The following G2E3 variants were observed in gnomAD, a reference collection of about 807,000 sequenced individuals.
G2E3 encodes G2/M-phase specific E3 ubiquitin protein ligase, also known as G2/M phase-specific E3 ubiquitin-protein ligase.
Under a neutral mutation model 92.8 loss-of-function variants are expected in G2E3, and 35 were observed. The ratio of observed to expected loss-of-function variants is 0.38; its 90% confidence interval spans 0.29 to 0.50. The LOEUF is 0.50. Among genes scored for constraint, G2E3 ranks in the 20% least tolerant of loss-of-function variants. The pLI, the probability that G2E3 is intolerant of heterozygous loss-of-function variation, is 0.94. For synonymous variants in G2E3, 242 were observed against 272.4 expected, an observed-to-expected ratio of 0.89 and a Z score of 1.10; for missense variants, 554 against 823.8, an observed-to-expected ratio of 0.67 and a Z score of 4.01.
At chr14:30,612,063 T>C (rs1022058342) in intron 12 of G2E3, 144 bp from the exon 13 acceptor site, 2 of 602,070 alleles carry the variant, frequency 3.3e-6, no homozygotes, top group South Asian at 4.7e-5. Context: ...CAGACATTTA[T>C]TCTAGAAGAA....
In G2E3 at chr14:30,593,341, A is replaced by C. The variant is rs1446010300; in HGVS notation, c.363-133A>C. ...ATTGTGAGACTTAATTTTTAGTGCC[A>C]AGGCTCCAGTCTGTTGTAGGTGAAT... is the stretch of plus-strand genomic sequence containing the variant. On this transcript the variant is annotated intron_variant, in intron 5 of 14. Transcript: ENST00000206595. The C allele has an allele frequency of 5.5e-6, 3 of 545,102 alleles. No individual in the cohort carries two copies. The East Asian group carries it at 9.5e-5, about 17-fold the overall frequency. The allele number at this position is 545,102 out of a possible 1,614,324, so 33.8% of individuals were successfully genotyped here.
At position 30,616,955 on chromosome 14, in the gene G2E3, T is replaced by C. The variant is rs1594518502; in HGVS notation, c.*421T>C. 1 of 153,640 alleles carries C rather than the reference T, an allele frequency of 6.5e-6. No homozygotes were observed. The highest frequency in any genetic ancestry group is 2.4e-5 in the African/African-American group (1 of 41,468). The allele number at this position is 153,640 out of a possible 1,614,324, so 9.5% of individuals were successfully genotyped here. The stretch of plus-strand genomic sequence containing the variant: ...TTATTCCTCATTTTATTTTAAAGCA[T>C]TAAATAGAAAAGCTAATTGGTTAAA... On this transcript the variant is annotated 3_prime_UTR_variant, in exon 15 of 15. Transcript: ENST00000206595.
At chr14:30,582,065 C>G (rs1169905054) in intron 2 of G2E3, among the ~76,000 whole-genome samples, 2 of 152,232 alleles carry the variant, frequency 1.3e-5, no homozygotes, top group Non-Finnish European at 2.9e-5. Flanking sequence ...TTCCCTGCTT[C>G]TACCTCCAGC....
In G2E3 at chr14:30,617,564, A is replaced by G. The variant is rs1882370844; in HGVS notation, c.*1030A>G. The G allele has an allele frequency of 1.3e-5, 2 of 152,124 alleles. No homozygotes were observed. Among genetic ancestry groups the G allele is most frequent in the South Asian group, 2.1e-4 (1 of 4,824 alleles). 9.4% of individuals were successfully genotyped at this position (152,124 alleles called of 1,614,324 possible). A position where few individuals can be genotyped will look rare whatever the true frequency, so the allele number is the denominator to read the frequency against. On this transcript the variant is annotated 3_prime_UTR_variant, in exon 15 of 15. Transcript: ENST00000206595. ...TGCTAAGGTAAGTTGACGCCATAGC[A>G]TTATACAGTTATCTTCATTGCTCTT...
rs111233474 is a variant in G2E3, at chr14:30,612,224, T to C, written c.1518T>C (p.Thr506=). The change falls in exon 13 of 15, where the codon ACT becomes ACC. Residue 506 remains threonine, a synonymous_variant. Coordinates refer to ENST00000206595, the MANE Select transcript of G2E3 (RefSeq NM_017769.5). The stretch of plus-strand genomic sequence containing the variant: ...CATTACAGATAAATACTGCAACAAC[T>C]GTAGCTGACTTAAAGTCAATAATAA... The part of the protein sequence containing the change: ...QIIIRINTAT[T]VADLKSIINE... The C allele has an allele frequency of 6.2e-7, 1 of 1,610,974 alleles. No individual in the cohort carries two copies.
chr14:30,589,770 A>G (rs556440419), intron 4 of G2E3, among the ~76,000 whole-genome samples: 26 of 151,992 alleles, frequency 1.7e-4, no homozygotes, highest in South Asian at 1.3e-3. Context: ...CTGATGGTCA[A>G]TCTTCTCTGA....
chr14:30,567,778 C>T lies in G2E3; in HGVS notation c.-5+8506C>T, dbSNP rs149249211. ...TTTGTCTCTAAGTATTTTCTAATTT[C>T]CCTTGTGATTTCTTTTTTGACTTTT... On this transcript the variant is annotated intron_variant, in intron 1 of 14. Transcript: ENST00000206595. 3.7e-3 allele frequency among the ~76,000 whole-genome samples: 555 copies of T among 151,794 alleles called. 7 individuals carry two copies. Among genetic ancestry groups the T allele is most frequent in the African/African-American group, 0.013 (525 of 41,420 alleles).
In G2E3 at chr14:30,616,783, TATAA is replaced by T. The variant is rs1882334942; in HGVS notation, c.*253_*256del. The T allele has an allele frequency of 3.5e-6, 1 of 284,810 alleles. No homozygotes were observed. Among genetic ancestry groups the T allele is most frequent in the Non-Finnish European group, 6.4e-6 (1 of 155,166 alleles). The allele number at this position is 284,810 out of a possible 1,614,324, so 17.6% of individuals were successfully genotyped here. A position where few individuals can be genotyped will look rare whatever the true frequency, so the allele number is the denominator to read the frequency against. ...GATATAGATACTTCATAAACCTCAA[TATAA>T]ATACTCTCAAAATGGTTGTATGGAT... On this transcript the variant is annotated 3_prime_UTR_variant, in exon 15 of 15. Transcript: ENST00000206595.
At chr14:30,587,621 T>A (rs1029539681) in intron 3 of G2E3, among the ~76,000 whole-genome samples, 1 of 152,212 alleles carries the variant, frequency 6.6e-6, no homozygotes, top group African/African-American at 2.4e-5. Context: ...AAGACTTTAC[T>A]AGGTTGCAGG....
intron 2 of G2E3, among the ~76,000 whole-genome samples, chr14:30,585,204 C>T (rs191001609): frequency 5.3e-5 from 8 of 152,166 alleles, no homozygotes. Context: ...TCTTTTGTTA[C>T]CTGTGCTTTT....
chr14:30,604,072 A>G (rs1270477856), intron 10 of G2E3, among the ~76,000 whole-genome samples: 2 of 152,212 alleles, frequency 1.3e-5, no homozygotes, highest in Non-Finnish European at 2.9e-5. Flanking sequence ...AATAATTTTA[A>G]TATTGAGATT....
At chr14:30,567,216 C>G (rs1442634010) in intron 1 of G2E3, among the ~76,000 whole-genome samples, 1 of 152,064 alleles carries the variant, frequency 6.6e-6, no homozygotes, top group Non-Finnish European at 1.5e-5. Context: ...GTCATAATAT[C>G]TTTTGGAGGG....
At chr14:30,568,631 GAATT>G (rs1189201611) in intron 1 of G2E3, among the ~76,000 whole-genome samples, 12 of 151,992 alleles carry the variant, frequency 7.9e-5, no homozygotes, top group African/African-American at 2.9e-4. Flanking sequence ...AACCTAGTTT[GAATT>G]AATACCCACT....
chr14:30,562,132 T>C (rs1474242724), intron 1 of G2E3, among the ~76,000 whole-genome samples: 1 of 152,176 alleles, frequency 6.6e-6, no homozygotes, highest in Non-Finnish European at 1.5e-5. Context: ...ATTTAGTAGC[T>C]TTTAAAATGT....
intron 1 of G2E3, among the ~76,000 whole-genome samples, chr14:30,579,106 A>G (rs1201356853): frequency 6.6e-6 from 1 of 152,164 alleles, no homozygotes; most frequent in Non-Finnish European, 1.5e-5. Context: ...ATGTATAAAC[A>G]TCAAAAGCGC....
chr14:30,574,145 C>T (rs749729934), intron 1 of G2E3, among the ~76,000 whole-genome samples: 3 of 152,128 alleles, frequency 2.0e-5, no homozygotes, highest in Non-Finnish European at 4.4e-5. Flanking sequence ...TGTAACTTCC[C>T]TTTTCTGAAC....
At chr14:30,569,330 A>G (rs956449189) in intron 1 of G2E3, among the ~76,000 whole-genome samples, 7 of 152,256 alleles carry the variant, frequency 4.6e-5, no homozygotes, top group Admixed American at 3.9e-4. Context: ...TGCTTTGCAT[A>G]TAAGAACCCT....
rs1882437424 is a variant in G2E3, at chr14:30,618,885, C to G, written c.*2351C>G. The G allele has an allele frequency of 6.6e-6, 1 of 151,910 alleles. No homozygotes were observed. The highest frequency in any genetic ancestry group is 1.5e-5 in the Non-Finnish European group (1 of 67,910). The allele number at this position is 151,910 out of a possible 1,614,324, so 9.4% of individuals were successfully genotyped here. A position where few individuals can be genotyped will look rare whatever the true frequency, so the allele number is the denominator to read the frequency against. On this transcript the variant is annotated 3_prime_UTR_variant, in exon 15 of 15. Coordinates refer to ENST00000206595, the MANE Select transcript of G2E3 (RefSeq NM_017769.5). ...CATTAGATTTTAAAAAAGAATTATG[C>G]TATAAATCTTTATAAATGTGTACAT...
chr14:30,598,219 T>C (rs537007897), intron 7 of G2E3: 3 of 320,520 alleles, frequency 9.4e-6, no homozygotes, highest in East Asian at 7.2e-5. Flanking sequence ...ACCCTGTCTC[T>C]ACTAAAAAAT....
Sources: gnomAD v4.1 joint callset for allele counts (sites outside exome capture counted in the v4.1 genomes callset) on GRCh38, gnomAD v4.1.1 for gene constraint, MANE v1.5 for transcripts, NCBI Gene and HGNC (gene_info 2026-07-23, HGNC 2026-07-21) for gene names.